TTC27: variants seen among roughly 807,000 people sequenced by gnomAD.
TTC27 encodes the protein tetratricopeptide repeat domain 27, also known as tetratricopeptide repeat protein 27.
A neutral mutation model predicts 115.9 loss-of-function variants in TTC27; 79 were observed. The ratio of observed to expected loss-of-function variants is 0.68; its 90% CI spans 0.57 to 0.82. The LOEUF (loss-of-function observed/expected upper bound fraction) is 0.82, where lower values mean the gene tolerates loss of function less well. Ranked by LOEUF, TTC27 falls within the 40% of genes least tolerant of loss-of-function variation. TTC27 has a pLI of 0.00. For missense variants in TTC27, 1,054 were observed against 993.1 expected, an observed-to-expected ratio of 1.06 and a Z score of -0.82; for synonymous variants, 401 against 356.0, an observed-to-expected ratio of 1.13 and a Z score of -1.42.
At chr2:32,764,017 C>G (rs556561462) in intron 13 of TTC27, among the ~76,000 whole-genome samples, 3 of 152,100 alleles carry the variant, frequency 2.0e-5, no homozygotes, top group Non-Finnish European at 4.4e-5. Flanking sequence ...AATGTAAAAA[C>G]CAAAGAAATT....
At chr2:32,683,684 T>C (rs1666523875) in intron 9 of TTC27, among the ~76,000 whole-genome samples, 1 of 152,170 alleles carries the variant, frequency 6.6e-6, no homozygotes, top group African/African-American at 2.4e-5. Context: ...ACCCATATTG[T>C]TTTAGAGAGC....
chr2:32,789,753 C>G (rs1416148583), intron 16 of TTC27, among the ~76,000 whole-genome samples: 2 of 151,480 alleles, frequency 1.3e-5, no homozygotes, highest in African/African-American at 4.8e-5. Context: ...AACCCTTTCT[C>G]TACAAAAAAA....
intron 19 of TTC27, among the ~76,000 whole-genome samples, chr2:32,819,897 G>A (rs773964861): frequency 1.6e-4 from 24 of 152,190 alleles, no homozygotes; most frequent in Non-Finnish European, 2.9e-4. Context: ...AAGTGATGCC[G>A]ATTGATTATG....
At chr2:32,759,331 A>G (rs559534969) in intron 13 of TTC27, among the ~76,000 whole-genome samples, 12 of 152,344 alleles carry the variant, frequency 7.9e-5, no homozygotes, top group East Asian at 3.9e-4. Flanking sequence ...AGCACTTACT[A>G]TGAGCCAGGT....
At chr2:32,803,350 C>G (rs1671023133) in intron 16 of TTC27, among the ~76,000 whole-genome samples, 1 of 152,222 alleles carries the variant, frequency 6.6e-6, no homozygotes, top group African/African-American at 2.4e-5. Flanking sequence ...TGGTCCCTGC[C>G]TTGCACTGGG....
intron 5 of TTC27, among the ~76,000 whole-genome samples, chr2:32,655,445 C>G (rs1002352450): frequency 7.2e-5 from 11 of 152,190 alleles, no homozygotes; most frequent in Non-Finnish European, 1.5e-4. Context: ...CATGCCCAGC[C>G]TGACATAGCA....
intron 13 of TTC27, among the ~76,000 whole-genome samples, chr2:32,768,369 C>T (rs575229182): frequency 3.2e-4 from 49 of 152,126 alleles, no homozygotes; most frequent in African/African-American, 1.2e-3. Flanking sequence ...TTATTTAAAC[C>T]GTGTAATTTA....
intron 16 of TTC27, among the ~76,000 whole-genome samples, chr2:32,789,123 C>G (rs6729274): frequency 0.071 from 10,855 of 152,166 alleles, 596 homozygotes; most frequent in African/African-American, 0.15. Flanking sequence ...AATAACTATT[C>G]AAAGATTGTT....
At chr2:32,725,755 C>G (rs150714411) in intron 10 of TTC27, among the ~76,000 whole-genome samples, 9,950 of 152,274 alleles carry the variant, frequency 0.065, 635 homozygotes, top group African/African-American at 0.17. Context: ...TGTGTGGTGG[C>G]TCCGACCCCA....
At chr2:32,681,363 A>G (rs1335479613) in intron 9 of TTC27, among the ~76,000 whole-genome samples, 1 of 152,180 alleles carries the variant, frequency 6.6e-6, no homozygotes, top group African/African-American at 2.4e-5. Flanking sequence ...TCAGCTCTTC[A>G]TCTATCAGTT....
intron 9 of TTC27, among the ~76,000 whole-genome samples, chr2:32,699,026 A>C (rs1209772154): frequency 2.0e-5 from 3 of 152,148 alleles, no homozygotes; most frequent in Non-Finnish European, 4.4e-5. Context: ...GTTAGTTTTC[A>C]TTTCTGTTTC....
intron 17 of TTC27, among the ~76,000 whole-genome samples, 171 bp from the exon 18 acceptor site, chr2:32,812,333 C>T (rs763317615): frequency 1.3e-4 from 20 of 152,156 alleles, no homozygotes; most frequent in Admixed American, 5.9e-4. Context: ...GGCTTGTTGC[C>T]GTTGGGTGTG....
chr2:32,629,649 C>T (rs2151856590), intron 1 of TTC27, among the ~76,000 whole-genome samples: 1 of 150,094 alleles, frequency 6.7e-6, no homozygotes, highest in East Asian at 2.0e-4. Context: ...CCGTGTTAGC[C>T]AGGATGGTCT....
intron 19 of TTC27, 119 bp from the exon 20 acceptor site, chr2:32,820,697 C>A: frequency 1.1e-6 from 1 of 891,092 alleles, no homozygotes; most frequent in Non-Finnish European, 1.5e-6. Context: ...GCTACCATTG[C>A]TATTATAATT....
intron 1 of TTC27, among the ~76,000 whole-genome samples, chr2:32,628,741 AT>A (rs1164323680): frequency 5.1e-5 from 1 of 19,688 alleles, no homozygotes; most frequent in Non-Finnish European, 1.1e-4. Flanking sequence ...TATTTTATCT[AT>A]TTATTTATTT....
chr2:32,736,921 T>C, intron 12 of TTC27, 105 bp downstream of exon 12: 1 of 1,391,294 alleles, frequency 7.2e-7, no homozygotes, highest in Non-Finnish European at 9.6e-7. Context: ...TTCACTTATA[T>C]TCCTTTTTTC....
intron 13 of TTC27, among the ~76,000 whole-genome samples, chr2:32,763,975 T>A (rs967885159): frequency 6.6e-6 from 1 of 152,190 alleles, no homozygotes; most frequent in Non-Finnish European, 1.5e-5. Context: ...TAGGTAGTTA[T>A]TATTCCTGTT....
Position 32,758,528 on chromosome 2 carries a change from A to G in TTC27, c.1680+9A>G. ...AGATTAATCCCATGCAGGTTAGACAACTCATAACCCCCTGCTGCTCTCAGC... is the reference window on the plus strand; with the variant it reads ...AGATTAATCCCATGCAGGTTAGACAGCTCATAACCCCCTGCTGCTCTCAGC... On this transcript the variant is annotated intron_variant, in intron 13 of 19. Coordinates refer to ENST00000317907, the MANE Select transcript of TTC27 (RefSeq NM_017735.5). 6.2e-7 allele frequency: 1 copy of G among 1,611,722 alleles called. No homozygotes were observed. Among genetic ancestry groups the G allele is most frequent in the East Asian group, 2.2e-5 (1 of 44,852 alleles).
At chr2:32,759,381 T>C (rs74388260) in intron 13 of TTC27, among the ~76,000 whole-genome samples, 9,628 of 152,164 alleles carry the variant, frequency 0.063, 554 homozygotes, top group African/African-American at 0.15. Flanking sequence ...ATCCAGATGG[T>C]CTGATTCCAG....
Sources: allele counts gnomAD v4.1 joint callset (sites outside exome capture counted in the v4.1 genomes callset), GRCh38; gene constraint gnomAD v4.1.1; transcripts MANE v1.5; gene names NCBI Gene and HGNC (gene_info 2026-07-23, HGNC 2026-07-21).